The following EEIG2 variants were observed in gnomAD, a reference collection of about 807,000 sequenced individuals.
EEIG2 encodes family with sequence similarity 102 member B.
the EEIG2 span, among the ~76,000 whole-genome samples, chr1:108,621,204 C>T: frequency 1.3e-5 from 2 of 151,960 alleles, no homozygotes; most frequent in Non-Finnish European, 2.9e-5. Context: ...TATACTTGAC[C>T]CACATTAAGT....
At chr1:108,631,880 G>A in the EEIG2 span, among the ~76,000 whole-genome samples, 2 of 151,876 alleles carry the variant, frequency 1.3e-5, no homozygotes, top group South Asian at 2.1e-4. Context: ...TTGGGAGGCC[G>A]AGGCAGGTGG....
the EEIG2 span, among the ~76,000 whole-genome samples, chr1:108,596,263 G>A: frequency 6.6e-6 from 1 of 151,682 alleles, no homozygotes; most frequent in Non-Finnish European, 1.5e-5. Context: ...ACTTGACAAT[G>A]TTTTTGAATT....
At chr1:108,603,388 T>C in the EEIG2 span, among the ~76,000 whole-genome samples, 109 of 152,274 alleles carry the variant, frequency 7.2e-4, 1 homozygote, top group African/African-American at 2.5e-3. Flanking sequence ...AGGCTTTCAG[T>C]TGGGACTCAC....
chr1:108,628,920 A>T, the EEIG2 span: 1 of 829,846 alleles, frequency 1.2e-6, no homozygotes, highest in Non-Finnish European at 1.8e-6. Flanking sequence ...TTTGTATAGT[A>T]AATTTCATGC....
At chr1:108,611,317 A>G in the EEIG2 span, among the ~76,000 whole-genome samples, 1 of 152,364 alleles carries the variant, frequency 6.6e-6, no homozygotes, top group Non-Finnish European at 1.5e-5. Flanking sequence ...GACTGTATAT[A>G]GACTTAGCTT....
the EEIG2 span, among the ~76,000 whole-genome samples, chr1:108,611,964 C>T: frequency 1.3e-5 from 2 of 151,836 alleles, no homozygotes; most frequent in Admixed American, 1.3e-4. Flanking sequence ...GATCCTGTTG[C>T]TGAACGCAAG....
At chr1:108,598,334 C>CAA in the EEIG2 span, among the ~76,000 whole-genome samples, 14 of 91,882 alleles carry the variant, frequency 1.5e-4, no homozygotes, top group African/African-American at 5.3e-4. Flanking sequence ...ACCCTGTATC[C>CAA]AAAAAAAAAA....
chr1:108,604,925 T>A, the EEIG2 span, among the ~76,000 whole-genome samples: 1 of 149,876 alleles, frequency 6.7e-6, no homozygotes, highest in Admixed American at 6.6e-5. Flanking sequence ...GCACCTGTAG[T>A]CTTAGCTACT....
the EEIG2 span, among the ~76,000 whole-genome samples, chr1:108,624,257 G>A: frequency 1.1e-4 from 17 of 152,130 alleles, no homozygotes; most frequent in African/African-American, 3.9e-4. Context: ...CAGGAGGCAC[G>A]AGGCATTCTC....
chr1:108,636,214 A>T, the EEIG2 span: 2 of 152,224 alleles, frequency 1.3e-5, no homozygotes, highest in Non-Finnish European at 2.9e-5. Context: ...TCTATCAAAT[A>T]TAGCTTTTAA....
At chr1:108,604,657 T>A in the EEIG2 span, among the ~76,000 whole-genome samples, 1 of 152,078 alleles carries the variant, frequency 6.6e-6, no homozygotes, top group East Asian at 1.9e-4. Context: ...GTGTGTCACC[T>A]ACTACTGAGA....
At chr1:108,615,542 A>AG in the EEIG2 span, among the ~76,000 whole-genome samples, 1 of 146,424 alleles carries the variant, frequency 6.8e-6, no homozygotes, top group Non-Finnish European at 1.5e-5. Context: ...TGGGAGGCCA[A>AG]GGGGTAGGAT....
chr1:108,562,885 G>T, the EEIG2 span, among the ~76,000 whole-genome samples: 2 of 152,046 alleles, frequency 1.3e-5, no homozygotes. Context: ...TCTAAAGGAA[G>T]TGAATTATTT....
At chr1:108,571,998 T>G in the EEIG2 span, among the ~76,000 whole-genome samples, 1 of 152,144 alleles carries the variant, frequency 6.6e-6, no homozygotes, top group African/African-American at 2.4e-5. Flanking sequence ...ACATTTCCTG[T>G]CTCTTAAGCA....
At chr1:108,632,250 T>C in the EEIG2 span, among the ~76,000 whole-genome samples, 143 of 152,282 alleles carry the variant, frequency 9.4e-4, no homozygotes, top group Non-Finnish European at 1.7e-3. Context: ...CCAGTATATT[T>C]TACTGGCTCA....
At chr1:108,601,663 A>G in the EEIG2 span, among the ~76,000 whole-genome samples, 2 of 152,180 alleles carry the variant, frequency 1.3e-5, no homozygotes, top group African/African-American at 4.8e-5. Context: ...TTTCAAATAA[A>G]TTAATTTTAA....
chr1:108,568,715 G>A, the EEIG2 span, among the ~76,000 whole-genome samples: 1 of 152,150 alleles, frequency 6.6e-6, no homozygotes, highest in Non-Finnish European at 1.5e-5. Flanking sequence ...CAGTTGTCAG[G>A]GGCCTGGACT....
At chr1:108,622,963 G>A in the EEIG2 span, among the ~76,000 whole-genome samples, 1 of 152,130 alleles carries the variant, frequency 6.6e-6, no homozygotes, top group Non-Finnish European at 1.5e-5. Flanking sequence ...GGCTGGGCAT[G>A]GTGGCTCGTA....
the EEIG2 span, among the ~76,000 whole-genome samples, chr1:108,619,762 C>T: frequency 4.6e-5 from 7 of 152,116 alleles, no homozygotes; most frequent in Admixed American, 1.3e-4. Context: ...CGTGGTGGTG[C>T]GCCTGTCGTC....
Sources: gnomAD v4.1 joint callset for allele counts (sites outside exome capture counted in the v4.1 genomes callset) on GRCh38, gnomAD v4.1.1 for gene constraint, MANE v1.5 for transcripts, NCBI Gene and HGNC (gene_info 2026-07-23, HGNC 2026-07-21) for gene names.